CAMSAP3: variants seen among roughly 807,000 people sequenced by gnomAD.
The protein encoded by CAMSAP3 is calmodulin-regulated spectrin-associated protein 3.
A neutral mutation model predicts 112.5 loss-of-function variants in CAMSAP3; 34 were observed. The ratio of observed to expected loss-of-function variants is 0.30; its 90% CI spans 0.23 to 0.40. CAMSAP3 has a LOEUF of 0.40. Ranked by LOEUF, CAMSAP3 falls within the 10% of genes least tolerant of loss-of-function variation. CAMSAP3 has a pLI of 1.00. For missense variants in CAMSAP3, 1,602 were observed against 1,770.3 expected, an observed-to-expected ratio of 0.90 and a Z score of 1.71; for synonymous variants, 868 against 799.8, an observed-to-expected ratio of 1.09 and a Z score of -1.44.
Position 7,614,986 on chromosome 19 carries a change from C to A in CAMSAP3, c.2671-197C>A, listed in dbSNP as rs1013747676. 19 of 651,272 alleles carry A rather than the reference C, an allele frequency of 2.9e-5. No homozygotes were observed. In the African/African-American group the frequency reaches 3.3e-4, roughly 11 times the overall value. 40.3% of individuals were successfully genotyped at this position (651,272 alleles called of 1,614,324 possible). On this transcript the variant is annotated intron_variant, in intron 11 of 16. Coordinates refer to ENST00000160298, the MANE Select transcript of CAMSAP3 (RefSeq NM_020902.2). Reference sequence around the variant, plus strand: ...TTAAGCAGTGTGTGTGTGAGCGGCACCCAGTGTATCCCATCCCTGTTGTGT... The same window carrying A: ...TTAAGCAGTGTGTGTGTGAGCGGCAACCAGTGTATCCCATCCCTGTTGTGT...
chr19:7,602,685 C>A (rs2030019549), intron 1 of CAMSAP3, among the ~76,000 whole-genome samples: 1 of 147,900 alleles, frequency 6.8e-6, no homozygotes, highest in African/African-American at 2.5e-5. Flanking sequence ...GGGCCCGTGG[C>A]AGCCGCTGTT....
rs57108239 is a variant in CAMSAP3, at chr19:7,606,156, A to ACCCC, written c.403-110_403-107dup. ...CACTGGCCCCGCCCCCTCAAGCCCC[A>ACCCC]CCCCCCCCGTCAAGTCCCTCCCATC... On this transcript the variant is annotated intron_variant, in intron 2 of 16. Coordinates refer to ENST00000160298, the MANE Select transcript of CAMSAP3 (RefSeq NM_020902.2). 250 of 227,772 alleles carry ACCCC rather than the reference A, an allele frequency of 1.1e-3. 4 individuals are homozygous for ACCCC. The highest frequency in any genetic ancestry group is 3.1e-3 in the African/African-American group (73 of 23,590). The allele number at this position is 227,772 out of a possible 1,614,324, so 14.1% of individuals were successfully genotyped here. A position where few individuals can be genotyped will look rare whatever the true frequency, so the allele number is the denominator to read the frequency against.
Position 7,612,507 on chromosome 19 carries a change from C to T in CAMSAP3, c.2014C>T (p.Gln672Ter). 6.5e-7 allele frequency: 1 copy of T among 1,542,080 alleles called. No homozygotes were observed. Among genetic ancestry groups the T allele is most frequent in the Non-Finnish European group, 8.7e-7 (1 of 1,146,302 alleles). Residue 672 changes from glutamine (Q) to a stop codon, truncating the protein, a stop_gained, in exon 11 of 17, where the codon CAG becomes TAG. Transcript: ENST00000160298. LOFTEE classifies it high-confidence loss of function. ...TGGGGAGCGGCCCGCAGGCGAGGGC[C>T]AGGGTGAGCCAACCTCACGGCCCAA... ...PGGERPAGEG[Q>*]GEPTSRPKAV...
Position 7,615,345 on chromosome 19 carries a change from C to G in CAMSAP3, c.2810+23C>G. 6.5e-7 allele frequency: 1 copy of G among 1,535,986 alleles called. No individual in the cohort carries two copies. Among genetic ancestry groups the G allele is most frequent in the Non-Finnish European group, 8.8e-7 (1 of 1,137,934 alleles). ...GAGGTGAGGCCGGGCCTGCCCGGGACGCCCGCTCCTTGGCCTGTCTGCCAC... is the reference window on the plus strand; with the variant it reads ...GAGGTGAGGCCGGGCCTGCCCGGGAGGCCCGCTCCTTGGCCTGTCTGCCAC... On this transcript the variant is annotated intron_variant, in intron 12 of 16. Transcript: ENST00000160298. The surrounding 1 kb of genome is among the most constrained non-coding windows in gnomAD (Gnocchi z 6.5).
chr19:7,613,206 C>T (rs898165882), intron 11 of CAMSAP3, 43 bp downstream of exon 11: 63 of 48,150 alleles, frequency 1.3e-3, no homozygotes, highest in African/African-American at 0.012. Context: ...GGGCCTGGGG[C>T]GGGGGCGGGT....
At chr19:7,596,438 G>T (rs1388749404) in intron 1 of CAMSAP3, among the ~76,000 whole-genome samples, 1 of 151,928 alleles carries the variant, frequency 6.6e-6, no homozygotes, top group African/African-American at 2.4e-5. Context: ...AGCCGGGCGG[G>T]GTCTGCGGGC....
In CAMSAP3 at chr19:7,615,543, G is replaced by A. The variant is rs1327332484; in HGVS notation, c.2936G>A (p.Arg979Gln). 2.0e-6 allele frequency: 3 copies of A among 1,531,948 alleles called. No homozygotes were observed. Among genetic ancestry groups the A allele is most frequent in the African/African-American group, 1.4e-5 (1 of 72,124 alleles). The allele number at this position is 1,531,948 out of a possible 1,614,324, so 94.9% of individuals were successfully genotyped here. A position where few individuals can be genotyped will look rare whatever the true frequency, so the allele number is the denominator to read the frequency against. ...GGCCCCCGGAAGGGGGACTTCACGC[G>A]GCAGGAGTACGAGCGCCGGGCCCAG... The part of the protein sequence containing the change: ...EVGPRKGDFT[R>Q]QEYERRAQLK... The change falls in exon 13 of 17, where the codon CGG (arginine) becomes CAG (glutamine). Residue 979 changes from arginine to glutamine, a missense_variant. Arg to Gln is a conservative substitution (Grantham distance 43). Coordinates refer to ENST00000160298, the MANE Select transcript of CAMSAP3 (RefSeq NM_020902.2). This position sits in a 1 kb window ranked among gnomAD's most constrained non-coding sequence, Gnocchi z 6.5.
chr19:7,610,455 C>A lies in CAMSAP3; in HGVS notation c.761-21C>A, dbSNP rs2030418971. 3.1e-6 allele frequency: 5 copies of A among 1,596,078 alleles called. No homozygotes were observed. Among genetic ancestry groups the A allele is most frequent in the Admixed American group, 3.4e-5 (2 of 58,620 alleles). On this transcript the variant is annotated intron_variant, in intron 5 of 16. Transcript: ENST00000160298. The surrounding 1 kb of genome is among the most constrained non-coding windows in gnomAD (Gnocchi z 4.9). ...TCCTCCTCCTCATAGAGTTGGGGAC[C>A]CACTCCTCCTGTCCCCACAGAGGTG...
chr19:7,612,582 G>T lies in CAMSAP3; in HGVS notation c.2089G>T (p.Gly697Trp). 2 of 1,534,224 alleles carry T rather than the reference G, an allele frequency of 1.3e-6. No homozygotes were observed. Among genetic ancestry groups the T allele is most frequent in the Non-Finnish European group, 1.7e-6 (2 of 1,145,004 alleles). ...DLGPVPHEGL[G>W]EYNRAVSKLS... is the part of the protein sequence containing the mutation. ...GGGCCCGGTGCCCCACGAGGGGCTG[G>T]GGGAATACAATCGAGCGGTCAGCAA... Residue 697 changes from glycine (G) to tryptophan (W), a missense_variant, in exon 11 of 17, where the codon GGG (glycine) becomes TGG (tryptophan). Physicochemically the swap from Gly to Trp is radical, Grantham distance 184. Coordinates refer to ENST00000160298, the MANE Select transcript of CAMSAP3 (RefSeq NM_020902.2).
rs527480208 is a variant in CAMSAP3 at position 7,610,723 on chromosome 19, C to T, written c.924C>T (p.Ala308=). 1.2e-4 allele frequency: 192 copies of T among 1,613,988 alleles called. 2 individuals carry two copies. Among genetic ancestry groups the T allele is most frequent in the Non-Finnish European group, 1.3e-4 (156 of 1,180,008 alleles). ...PLKVNLVVML[A]ELFMCFEVLK... Reference sequence around the variant, plus strand: ...AGGTCAACTTGGTGGTGATGCTGGCCGAGTTGTTCATGTGTTTTGAGGTGC... The same window carrying T: ...AGGTCAACTTGGTGGTGATGCTGGCTGAGTTGTTCATGTGTTTTGAGGTGC... Residue 308 remains alanine (A), a synonymous_variant, in exon 7 of 17, where the codon GCC becomes GCT. Coordinates refer to ENST00000160298, the MANE Select transcript of CAMSAP3 (RefSeq NM_020902.2). The surrounding 1 kb of genome is among the most constrained non-coding windows in gnomAD (Gnocchi z 4.9).
At chr19:7,604,245 T>C (rs750297943) in intron 1 of CAMSAP3, among the ~76,000 whole-genome samples, 245 of 152,190 alleles carry the variant, frequency 1.6e-3, no homozygotes, top group Non-Finnish European at 2.8e-3. Context: ...CCTTCTCCTC[T>C]CCACTCTTGG....
rs1398195217 is a variant in CAMSAP3 at position 7,610,817 on chromosome 19, CCGGGTCGGGGG to C, written c.994+30_994+40del. ...CGGTGAGGCCCTGGGGGCCTGGGGG[CCGGGTCGGGGG>C]CGGGTGGGAGAGCCAAACCCCCGCC... On this transcript the variant is annotated intron_variant, in intron 7 of 16. Coordinates refer to ENST00000160298, the MANE Select transcript of CAMSAP3 (RefSeq NM_020902.2). The surrounding 1 kb of genome is among the most constrained non-coding windows in gnomAD (Gnocchi z 4.9). 6.2e-7 allele frequency: 1 copy of C among 1,611,240 alleles called. No individual in the cohort carries two copies. The highest frequency in any genetic ancestry group is 1.1e-5 in the South Asian group (1 of 91,042).
intron 1 of CAMSAP3, among the ~76,000 whole-genome samples, chr19:7,602,385 G>GT (rs1392344286): frequency 2.0e-5 from 3 of 152,122 alleles, no homozygotes; most frequent in Admixed American, 2.0e-4. Context: ...AGGTTTTGGT[G>GT]TTTTTTGTTT....
Position 7,615,441 on chromosome 19 carries a change from G to A in CAMSAP3, c.2834G>A (p.Gly945Asp). ...AGGCTGGCCCAAGAGGAGGCCCCGG[G>A]CCCAGCCCCGCTTGTGTCCGCAGTC... ...AARLAQEEAPGPAPLVSAVPM... is the reference protein window; with the variant it reads ...AARLAQEEAPDPAPLVSAVPM... Residue 945 changes from glycine (G) to aspartate (D), a missense_variant, in exon 13 of 17, where the codon GGC becomes GAC. Physicochemically the swap from Gly to Asp is moderately conservative, Grantham distance 94 (BLOSUM62 -1). This residue lies in a region of CAMSAP3 where 1,100 missense variants were observed against 1,135.7 expected (regional missense o/e 0.97). Transcript: ENST00000160298. This position sits in a 1 kb window ranked among gnomAD's most constrained non-coding sequence, Gnocchi z 6.5. 2 of 1,540,922 alleles carry A rather than the reference G, an allele frequency of 1.3e-6. No homozygotes were observed. Among genetic ancestry groups the A allele is most frequent in the Non-Finnish European group, 1.7e-6 (2 of 1,146,162 alleles).
chr19:7,602,417 C>T (rs916823815), intron 1 of CAMSAP3, among the ~76,000 whole-genome samples: 2 of 152,032 alleles, frequency 1.3e-5, no homozygotes, highest in Non-Finnish European at 2.9e-5. Context: ...TCTTAAAGGC[C>T]CTGAAAAGTC....
intron 1 of CAMSAP3, 79 bp from the exon 2 acceptor site, chr19:7,605,147 G>GTGTGTGTGTGT (rs3223050): frequency 6.7e-5 from 42 of 624,566 alleles, no homozygotes; most frequent in Admixed American, 3.4e-4. Flanking sequence ...CGGGCCATGT[G>GTGTGTGTGTGT]GTGTGTGTGT....
chr19:7,618,216 G>A lies in CAMSAP3; in HGVS notation c.*159G>A. 2.6e-6 allele frequency: 2 copies of A among 769,396 alleles called. No individual in the cohort carries two copies. Among genetic ancestry groups the A allele is most frequent in the Admixed American group, 2.9e-5 (1 of 34,972 alleles). 47.7% of individuals were successfully genotyped at this position (769,396 alleles called of 1,614,324 possible). Reference sequence around the variant, plus strand: ...CTTTGAGTCCAGTCCTGCTGTGGGGGCTGAGCTGGGAGGTTCAGGGACTCA... The same window carrying A: ...CTTTGAGTCCAGTCCTGCTGTGGGGACTGAGCTGGGAGGTTCAGGGACTCA... On this transcript the variant is annotated 3_prime_UTR_variant, in exon 17 of 17. Transcript: ENST00000160298.
At position 7,617,515 on chromosome 19, in the gene CAMSAP3, C is replaced by CA. The variant is rs1568450306; in HGVS notation, c.3326-27dup. Reference sequence around the variant, plus strand: ...GCCCCTGCTCATTCCTGCTGCCCCCCACCCCCTCCCACTGCCTCACCCTCT... The same window carrying CA: ...GCCCCTGCTCATTCCTGCTGCCCCCCAACCCCCTCCCACTGCCTCACCCTCT... On this transcript the variant is annotated intron_variant, in intron 15 of 16. Coordinates refer to ENST00000160298, the MANE Select transcript of CAMSAP3 (RefSeq NM_020902.2). This position sits in a 1 kb window ranked among gnomAD's most constrained non-coding sequence, Gnocchi z 7.5. The CA allele has an allele frequency of 6.2e-7, 1 of 1,609,836 alleles. No individual in the cohort carries two copies. Among genetic ancestry groups the CA allele is most frequent in the Non-Finnish European group, 8.5e-7 (1 of 1,176,118 alleles).
chr19:7,613,922 C>T (rs912565659), intron 11 of CAMSAP3, among the ~76,000 whole-genome samples: 8 of 152,002 alleles, frequency 5.3e-5, no homozygotes, highest in African/African-American at 9.7e-5. Flanking sequence ...ACTGAGTGGT[C>T]GGGGATTTTG....
Sources: gnomAD v4.1 joint callset for allele counts (sites outside exome capture counted in the v4.1 genomes callset) on GRCh38, gnomAD v4.1.1 for gene constraint, gnomAD v4.1.1 regional missense constraint, Gnocchi (gnomAD v3.1) non-coding constraint, MANE v1.5 for transcripts, NCBI Gene and HGNC (gene_info 2026-07-23, HGNC 2026-07-21) for gene names.